DEPDC5: variants seen among roughly 807,000 people sequenced by gnomAD.
DEPDC5 encodes the protein GATOR1 complex protein DEPDC5.
Under a neutral mutation model 217.3 loss-of-function variants are expected in DEPDC5, and 73 were observed. That is an observed-to-expected ratio of 0.34 (90% CI 0.28 to 0.41). The LOEUF (loss-of-function observed/expected upper bound fraction) is 0.41. Among genes scored for constraint, DEPDC5 ranks in the 10% least tolerant of loss-of-function variants. The pLI is 1.00. For missense variants in DEPDC5, 1,675 were observed against 2,070.1 expected, an observed-to-expected ratio of 0.81 and a Z score of 3.70; for synonymous variants, 733 against 756.7, an observed-to-expected ratio of 0.97 and a Z score of 0.51.
intron 22 of DEPDC5, among the ~76,000 whole-genome samples, chr22:31,821,256 C>T (rs950138926): frequency 1.3e-5 from 2 of 152,244 alleles, no homozygotes; most frequent in Non-Finnish European, 2.9e-5. Flanking sequence ...AGTTGACACA[C>T]CTGAGGCAGA....
At chr22:31,764,704 C>G (rs2082670260) in intron 4 of DEPDC5, among the ~76,000 whole-genome samples, 3 of 152,184 alleles carry the variant, frequency 2.0e-5, no homozygotes, top group Admixed American at 2.0e-4. Context: ...GTGTTAGCCA[C>G]CATACCCAGC....
intron 5 of DEPDC5, 96 bp from the exon 6 acceptor site, chr22:31,766,489 T>G: frequency 8.1e-7 from 1 of 1,233,180 alleles, no homozygotes; most frequent in Non-Finnish European, 1.2e-6. Flanking sequence ...TTTTCTTTTT[T>G]GCAATAAGTT....
At chr22:31,871,362 A>T (rs2149237117) in intron 34 of DEPDC5, among the ~76,000 whole-genome samples, 1 of 152,290 alleles carries the variant, frequency 6.6e-6, no homozygotes, top group South Asian at 2.1e-4. Flanking sequence ...CTTAACTTTT[A>T]TACCCCTGCC....
At chr22:31,831,122 C>T (rs2090565442) in intron 24 of DEPDC5, 1 of 151,236 alleles carries the variant, frequency 6.6e-6, no homozygotes, top group Admixed American at 6.6e-5. Flanking sequence ...ATTTCAACAG[C>T]TAAAAATTGG....
intron 27 of DEPDC5, among the ~76,000 whole-genome samples, chr22:31,842,132 G>A (rs190573563): frequency 3.4e-3 from 514 of 152,338 alleles, no homozygotes; most frequent in Non-Finnish European, 5.6e-3. Context: ...AATTTGTAAG[G>A]GGTGACAGAT....
intron 31 of DEPDC5, among the ~76,000 whole-genome samples, chr22:31,856,157 A>ACACG (rs1238369451): frequency 7.7e-6 from 1 of 129,858 alleles, no homozygotes; most frequent in Non-Finnish European, 1.8e-5. Context: ...GCCAACGCGC[A>ACACG]CACACACACA....
At chr22:31,877,436 CAAAAAAAAAAAAAAAAAA>C (rs71184527) in intron 37 of DEPDC5, among the ~76,000 whole-genome samples, 3 of 21,002 alleles carry the variant, frequency 1.4e-4, no homozygotes, top group Non-Finnish European at 1.8e-4. Flanking sequence ...GACTCCATCT[CAAAAAAAAAAAAAAAAAA>C]AAAAAAAAAA....
intron 39 of DEPDC5, chr22:31,894,676 C>G (rs778543487): frequency 2.6e-5 from 4 of 151,984 alleles, no homozygotes; most frequent in Non-Finnish European, 5.9e-5. Context: ...GAAACCCTGT[C>G]TCTACTGAAA....
intron 7 of DEPDC5, among the ~76,000 whole-genome samples, chr22:31,770,547 A>ATTTTTTTTTTTTTTTTTTTT (rs34409975): frequency 7.5e-6 from 1 of 133,464 alleles, no homozygotes; most frequent in African/African-American, 2.8e-5. Context: ...CACGTAGCTA[A>ATTTTTTTTTTTTTTTTTTTT]TTTTTTTTTT....
At chr22:31,840,831 T>G (rs955612791) in intron 27 of DEPDC5, among the ~76,000 whole-genome samples, 4 of 152,168 alleles carry the variant, frequency 2.6e-5, no homozygotes, top group Non-Finnish European at 4.4e-5. Context: ...CAGGCCCTAT[T>G]CCAGCAGGGA....
rs754017226 is a variant in DEPDC5 at position 31,906,485 on chromosome 22, C to T, written c.4800C>T (p.Ala1600=). Residue 1600 remains alanine (A), a synonymous_variant, in exon 43 of 43, where the codon GCC becomes GCT. Coordinates refer to ENST00000651528, the MANE Select transcript of DEPDC5 (RefSeq NM_001242896.3). The surrounding 1 kb of genome is among the most constrained non-coding windows in gnomAD (Gnocchi z 5.1). The stretch of plus-strand genomic sequence containing the variant: ...CAAGTTGCCTGGAGAAGATGCATGC[C>T]AGTGCCCCGTGAGGCCAGGCTGCAC... The part of the protein sequence containing the change: ...FWTSCLEKMH[A]SAP 30 of 1,600,274 alleles carry T rather than the reference C, an allele frequency of 1.9e-5. No individual in the cohort carries two copies. In the Admixed American group the frequency reaches 4.9e-4, roughly 26 times the overall value.
At chr22:31,887,952 G>A (rs1285824152) in intron 38 of DEPDC5, among the ~76,000 whole-genome samples, 1 of 152,156 alleles carries the variant, frequency 6.6e-6, no homozygotes, top group Non-Finnish European at 1.5e-5. Context: ...GAAGGCCTGT[G>A]TATCATTTGT....
In DEPDC5 at chr22:31,809,599, T is replaced by C; in HGVS notation, c.1288-12T>C. Reference sequence around the variant, plus strand: ...AAGGAAGGAGTGATTAATTATCTATTTAATTTTTCAGCCCGCCTCTGAGAA... The same window carrying C: ...AAGGAAGGAGTGATTAATTATCTATCTAATTTTTCAGCCCGCCTCTGAGAA... On this transcript the variant is annotated splice_polypyrimidine_tract_variant and intron_variant, in intron 18 of 42. Coordinates refer to ENST00000651528, the MANE Select transcript of DEPDC5 (RefSeq NM_001242896.3). 1 of 1,614,002 alleles carries C rather than the reference T, an allele frequency of 6.2e-7. No individual in the cohort carries two copies. The highest frequency in any genetic ancestry group is 8.5e-7 in the Non-Finnish European group (1 of 1,179,870).
At chr22:31,756,855 A>G (rs2081978714) in intron 2 of DEPDC5, among the ~76,000 whole-genome samples, 1 of 151,908 alleles carries the variant, frequency 6.6e-6, no homozygotes, top group African/African-American at 2.4e-5. Context: ...CAGGAGGCAG[A>G]GGTTGCAGTG....
rs570674624 is a variant in DEPDC5 at position 31,810,832 on chromosome 22, A to G, written c.1445+191A>G. On this transcript the variant is annotated intron_variant, in intron 20 of 42. Coordinates refer to ENST00000651528, the MANE Select transcript of DEPDC5 (RefSeq NM_001242896.3). ...CTCTTGTTGCCCAGGCTTGAGTGCAATGGTGTGATCTCGGCTCACTGCAAC... is the reference window on the plus strand; with the variant it reads ...CTCTTGTTGCCCAGGCTTGAGTGCAGTGGTGTGATCTCGGCTCACTGCAAC... Among the ~76,000 whole-genome samples the G allele has an allele frequency of 1.5e-3, 225 of 152,208 alleles. 3 individuals are homozygous for G. The highest frequency in any genetic ancestry group is 3.9e-3 in the Admixed American group (59 of 15,294).
Position 31,772,772 on chromosome 22 carries a change from T to TTA in DEPDC5, c.413+3919_413+3920dup, listed in dbSNP as rs1470790794. On this transcript the variant is annotated intron_variant, in intron 7 of 42. Transcript: ENST00000651528. ...TATTGCTTCCTCTTTTATTTTTAAA[T>TTA]TATATATATATTATATATATTATTT... Among the ~76,000 whole-genome samples, 4 of 150,610 alleles carry TTA rather than the reference T, an allele frequency of 2.7e-5. No homozygotes were observed. In the Middle Eastern group the frequency reaches 0.011, roughly 398 times the overall value.
chr22:31,791,204 C>T (rs1479953103), intron 10 of DEPDC5, among the ~76,000 whole-genome samples: 1 of 152,068 alleles, frequency 6.6e-6, no homozygotes, highest in Non-Finnish European at 1.5e-5. Context: ...AGATAACTTT[C>T]CTAAAGTCAC....
intron 21 of DEPDC5, chr22:31,817,323 TG>T: frequency 8.5e-6 from 2 of 236,328 alleles, no homozygotes; most frequent in Middle Eastern, 1.7e-3. Context: ...TTGGTCAGGC[TG>T]GTCTCGAACT....
chr22:31,897,773 G>T, intron 40 of DEPDC5, 120 bp downstream of exon 40: 5 of 1,198,614 alleles, frequency 4.2e-6, no homozygotes, highest in Non-Finnish European at 4.6e-6. Flanking sequence ...TTCAACAAGG[G>T]GCCAAAAGGA....
Sources: gnomAD v4.1 joint callset for allele counts (sites outside exome capture counted in the v4.1 genomes callset) on GRCh38, gnomAD v4.1.1 for gene constraint, Gnocchi (gnomAD v3.1) non-coding constraint, MANE v1.5 for transcripts, NCBI Gene and HGNC (gene_info 2026-07-23, HGNC 2026-07-21) for gene names.